The following PDCL variants were observed in gnomAD, a reference collection of about 807,000 sequenced individuals.
PDCL encodes phosducin like.
A neutral mutation model predicts 26.7 loss-of-function variants in PDCL; 11 were observed. That is an observed-to-expected ratio of 0.41 (90% CI 0.26 to 0.68). The LOEUF (loss-of-function observed/expected upper bound fraction) is 0.68, where lower values mean the gene tolerates loss of function less well. PDCL is among the 30% of genes least tolerant of loss of function. The pLI is 0.30. For missense variants in PDCL, 330 were observed against 371.6 expected (o/e 0.89, Z 0.92); for synonymous variants, 118 against 134.9 (o/e 0.87, Z 0.87).
Position 122,819,295 on chromosome 9 carries a change from T to C in PDCL, c.*790A>G, listed in dbSNP as rs1045669606. The C allele has an allele frequency of 6.6e-6, 1 of 151,698 alleles. No homozygotes were observed. The highest frequency in any genetic ancestry group is 2.4e-5 in the African/African-American group (1 of 41,304). The allele number at this position is 151,698 out of a possible 1,614,324, so 9.4% of individuals were successfully genotyped here. ...TTCCAATATGAAAAAAAAAAAAAGT[T>C]TTAAAAAAAATCTAGGTTAAACAAA... On this transcript the variant is annotated 3_prime_UTR_variant, in exon 4 of 4. Coordinates refer to ENST00000259467, the MANE Select transcript of PDCL (RefSeq NM_005388.5).
chr9:122,820,859 G>A (rs1321745125), intron 3 of PDCL: 2 of 484,896 alleles, frequency 4.1e-6, no homozygotes, highest in East Asian at 4.3e-5. Context: ...GCAGGGCATG[G>A]TGGTGTGCAC....
In PDCL at chr9:122,818,259, C is replaced by T. The variant is rs937405313; in HGVS notation, c.*1826G>A. 2.6e-5 allele frequency: 4 copies of T among 152,100 alleles called. No homozygotes were observed. Among genetic ancestry groups the T allele is most frequent in the Non-Finnish European group, 5.9e-5 (4 of 68,040 alleles). The allele number at this position is 152,100 out of a possible 1,614,324, so 9.4% of individuals were successfully genotyped here. A position where few individuals can be genotyped will look rare whatever the true frequency, so the allele number is the denominator to read the frequency against. ...CTCCAGCCTGGGTGACAGAGCGAGA[C>T]TCCATCTCAAAGAAAACAAACAAAA... is the stretch of plus-strand genomic sequence containing the variant. On this transcript the variant is annotated 3_prime_UTR_variant, in exon 4 of 4. Transcript: ENST00000259467.
At position 122,820,400 on chromosome 9, in the gene PDCL, G is replaced by A; in HGVS notation, c.591C>T (p.Ala197=). The A allele has an allele frequency of 1.9e-6, 3 of 1,614,156 alleles. No individual in the cohort carries two copies. Among genetic ancestry groups the A allele is most frequent in the Non-Finnish European group, 1.7e-6 (2 of 1,180,024 alleles). ...CAAGGCAGATCATGCAACCATTCAT[G>A]GCTTCGGTCCCTGGAATGCCATCCT... ...IYEDGIPGTE[A]MNGCMICLAA... The change falls in exon 4 of 4, where the codon GCC becomes GCT. Residue 197 remains alanine, a synonymous_variant. Coordinates refer to ENST00000259467, the MANE Select transcript of PDCL (RefSeq NM_005388.5).
rs147643312 is a variant in PDCL at position 122,823,126 on chromosome 9, G to T, written c.244C>A (p.Arg82=). The T allele has an allele frequency of 1.2e-6, 2 of 1,614,000 alleles. No homozygotes were observed. ...TTCTTGATCAGCCTTTCCATCTCCC[G>T]GCACTGCTCCTCCCTCTGCTCTGTC... ...LETEQREEQC[R]EMERLIKKLS... Residue 82 remains arginine (R), a synonymous_variant, in exon 3 of 4, where the codon CGG becomes AGG. Coordinates refer to ENST00000259467, the MANE Select transcript of PDCL (RefSeq NM_005388.5).
chr9:122,823,344 G>C, intron 2 of PDCL, 147 bp from the exon 3 acceptor site: 1 of 758,476 alleles, frequency 1.3e-6, no homozygotes, highest in Admixed American at 2.5e-5. Flanking sequence ...CTCTGCCACA[G>C]GGCAGAGTGG....
At chr9:122,826,153 T>C (rs1257268908) in intron 2 of PDCL, among the ~76,000 whole-genome samples, 1 of 152,026 alleles carries the variant, frequency 6.6e-6, no homozygotes, top group African/African-American at 2.4e-5. Context: ...AAACCTACAA[T>C]GAATTACTAC....
In PDCL at chr9:122,826,719, C is replaced by T. The variant is rs936888309; in HGVS notation, c.69G>A (p.Glu23=). 4 of 1,614,132 alleles carry T rather than the reference C, an allele frequency of 2.5e-6. No homozygotes were observed. Among genetic ancestry groups the T allele is most frequent in the Admixed American group, 3.3e-5 (2 of 60,006 alleles). Residue 23 remains glutamate, a synonymous_variant, in exon 2 of 4, where the codon GAG becomes GAA. Coordinates refer to ENST00000259467, the MANE Select transcript of PDCL (RefSeq NM_005388.5). ...LQYYYSSSED[E]DSDHEDKDRG... ...GGTCCTTGTCCTCGTGGTCACTGTC[C>T]TCATCCTCACTGCTGCTATAGTAGT... is the stretch of plus-strand genomic sequence containing the variant.
intron 2 of PDCL, among the ~76,000 whole-genome samples, chr9:122,824,527 A>T (rs1267714501): frequency 1.3e-5 from 2 of 152,248 alleles, no homozygotes; most frequent in African/African-American, 4.8e-5. Context: ...ATGTAACGTG[A>T]ATGAGAAATA....
chr9:122,826,485 T>G (rs924154994), intron 2 of PDCL, 131 bp downstream of exon 2: 6 of 712,590 alleles, frequency 8.4e-6, no homozygotes, highest in Non-Finnish European at 1.3e-5. Flanking sequence ...ATGAAAAGAC[T>G]AGGTTACCTC....
At chr9:122,827,959 C>T (rs564101028) in intron 1 of PDCL, among the ~76,000 whole-genome samples, 4 of 152,250 alleles carry the variant, frequency 2.6e-5, no homozygotes, top group Admixed American at 1.3e-4. Flanking sequence ...TAGTCACTAC[C>T]TCTATCCCCA....
intron 3 of PDCL, chr9:122,820,943 A>G: frequency 6.2e-6 from 2 of 322,736 alleles, no homozygotes; most frequent in South Asian, 5.9e-5. Context: ...GGTTGCAGTT[A>G]GCCAAGATCA....
intron 3 of PDCL, among the ~76,000 whole-genome samples, chr9:122,822,602 C>T (rs1380677517): frequency 6.6e-6 from 1 of 152,172 alleles, no homozygotes; most frequent in African/African-American, 2.4e-5. Flanking sequence ...CTCTAATGCC[C>T]TCTAAGCATT....
intron 3 of PDCL, among the ~76,000 whole-genome samples, chr9:122,821,988 T>C (rs1343150153): frequency 1.3e-5 from 2 of 152,054 alleles, no homozygotes; most frequent in Non-Finnish European, 2.9e-5. Context: ...TATTGCCAAT[T>C]TTCCTCCCAT....
chr9:122,823,200 G>A lies in PDCL; in HGVS notation c.173-3C>T, dbSNP rs1829575341. 7 of 1,613,966 alleles carry A rather than the reference G, an allele frequency of 4.3e-6. No homozygotes were observed. Among genetic ancestry groups the A allele is most frequent in the Non-Finnish European group, 5.1e-6 (6 of 1,179,990 alleles). Reference sequence around the variant, plus strand: ...GTCATTGATCACACCTTTTGGGCCTGAGTAGGGTGAACACGGATGTGACCA... The same window carrying A: ...GTCATTGATCACACCTTTTGGGCCTAAGTAGGGTGAACACGGATGTGACCA... On this transcript the variant is annotated splice_polypyrimidine_tract_variant and splice_region_variant and intron_variant, in intron 2 of 3. Transcript: ENST00000259467.
chr9:122,826,235 A>C (rs1829627009), intron 2 of PDCL, among the ~76,000 whole-genome samples: 1 of 152,242 alleles, frequency 6.6e-6, no homozygotes, highest in African/African-American at 2.4e-5. Context: ...ATTGCTGATT[A>C]AACTATAAAC....
At chr9:122,821,680 C>T (rs1374368614) in intron 3 of PDCL, among the ~76,000 whole-genome samples, 3 of 152,114 alleles carry the variant, frequency 2.0e-5, no homozygotes, top group Admixed American at 6.6e-5. Flanking sequence ...ATCAGCAGGA[C>T]GGGAACAGCC....
intron 2 of PDCL, among the ~76,000 whole-genome samples, chr9:122,824,881 AACAGTATG>A (rs1318023169): frequency 6.6e-6 from 1 of 152,220 alleles, no homozygotes; most frequent in Non-Finnish European, 1.5e-5. Context: ...AATAATTAAA[AACAGTATG>A]ACACAGCCCA....
At chr9:122,824,439 C>A (rs1220694247) in intron 2 of PDCL, among the ~76,000 whole-genome samples, 1 of 152,188 alleles carries the variant, frequency 6.6e-6, no homozygotes, top group African/African-American at 2.4e-5. Flanking sequence ...CAAACTGAGG[C>A]TGTTATTCTT....
chr9:122,820,159 C>T lies in PDCL; in HGVS notation c.832G>A (p.Glu278Lys), dbSNP rs1424959328. ...CGCACAGATGTCAGCACCAAGACTT[C>T]CTTTTCTGGGAGTAATCCAAATTCC... ...LQEFGLLPEK[E>K]VLVLTSVRNS... The change falls in exon 4 of 4, where the codon GAA becomes AAA. Residue 278 changes from glutamate to lysine, a missense_variant. By Grantham distance (56) the Glu-to-Lys change is moderately conservative. Coordinates refer to ENST00000259467, the MANE Select transcript of PDCL (RefSeq NM_005388.5). 1 of 1,614,084 alleles carries T rather than the reference C, an allele frequency of 6.2e-7. No individual in the cohort carries two copies. The highest frequency in any genetic ancestry group is 8.5e-7 in the Non-Finnish European group (1 of 1,180,030).
Sources: allele counts gnomAD v4.1 joint callset (sites outside exome capture counted in the v4.1 genomes callset), GRCh38; gene constraint gnomAD v4.1.1; transcripts MANE v1.5; gene names NCBI Gene and HGNC (gene_info 2026-07-23, HGNC 2026-07-21).